The following LRGUK variants were observed in gnomAD, a reference collection of about 807,000 sequenced individuals.
The protein encoded by LRGUK is leucine rich repeats and guanylate kinase domain containing.
In LRGUK, 65 loss-of-function variants were observed where a neutral mutation model predicts 76.0. The observed-to-expected ratio is 0.85, with a 90% CI of 0.70 to 1.05. LRGUK has a LOEUF of 1.05. Among genes scored for constraint, LRGUK ranks in the 50% least tolerant of loss-of-function variants. LRGUK has a pLI of 0.00. For synonymous variants in LRGUK, 268 were observed against 265.6 expected (o/e 1.01, Z -0.09); for missense variants, 758 against 732.8 (o/e 1.03, Z -0.40).
chr7:134,228,106 A>C (rs200473909), intron 16 of LRGUK, among the ~76,000 whole-genome samples: 1 of 152,184 alleles, frequency 6.6e-6, no homozygotes, highest in East Asian at 1.9e-4. Flanking sequence ...CCTAAAGAGC[A>C]GTCATAGGGG....
At chr7:134,209,988 A>G in exon 16 of LRGUK, 1 of 399,684 alleles carries the variant, frequency 2.5e-6, no homozygotes, top group Non-Finnish European at 4.4e-6. Context: ...AAGGAAAGGA[A>G]AGCTCCCCAA....
At chr7:134,251,368 C>G (rs1158795743) in intron 18 of LRGUK, among the ~76,000 whole-genome samples, 4 of 152,162 alleles carry the variant, frequency 2.6e-5, no homozygotes, top group Non-Finnish European at 5.9e-5. Context: ...CAGCAAACCA[C>G]CGGAAGTGAT....
intron 10 of LRGUK, among the ~76,000 whole-genome samples, chr7:134,179,921 G>A (rs1049696544): frequency 2.0e-5 from 3 of 152,196 alleles, no homozygotes; most frequent in African/African-American, 4.8e-5. Context: ...GGATCCAGGA[G>A]AGGAACCCCA....
At chr7:134,133,759 A>C (rs1486906284) in intron 1 of LRGUK, among the ~76,000 whole-genome samples, 1 of 152,098 alleles carries the variant, frequency 6.6e-6, no homozygotes, top group Non-Finnish European at 1.5e-5. Context: ...AGATAGAGAG[A>C]AATTGAAATT....
intron 10 of LRGUK, among the ~76,000 whole-genome samples, chr7:134,181,194 G>A (rs575395068): frequency 1.3e-5 from 2 of 152,070 alleles, no homozygotes; most frequent in African/African-American, 2.4e-5. Flanking sequence ...CTTAGGAAGG[G>A]ATATGGCATC....
rs1439779656 is a variant in LRGUK at position 134,155,051 on chromosome 7, C to A, written c.671-2984C>A. Reference sequence around the variant, plus strand: ...CTGCCATGATTCAGAGTATCTTCATCTTGGTTGGGGTAGAGCTACCAGGAC... The same window carrying A: ...CTGCCATGATTCAGAGTATCTTCATATTGGTTGGGGTAGAGCTACCAGGAC... On this transcript the variant is annotated intron_variant, in intron 5 of 15. Coordinates refer to ENST00000645682, the Ensembl canonical transcript of LRGUK. 2.6e-5 allele frequency among the ~76,000 whole-genome samples: 4 copies of A among 152,162 alleles called. No individual in the cohort carries two copies. The East Asian group carries it at 7.7e-4, about 29-fold the overall frequency.
chr7:134,270,650 TTAAC>T, the LRGUK span, among the ~76,000 whole-genome samples: 1 of 152,138 alleles, frequency 6.6e-6, no homozygotes, highest in South Asian at 2.1e-4. Context: ...TATTCAGCAA[TTAAC>T]TTTTTTCTCA....
exon 3 of LRGUK, chr7:134,139,517 G>A (rs769617515): frequency 3.2e-5 from 51 of 1,585,592 alleles, no homozygotes; most frequent in Non-Finnish European, 4.2e-5. Context: ...TAAAATTGAA[G>A]GTATGTAATT....
the LRGUK span, among the ~76,000 whole-genome samples, chr7:134,275,800 T>A: frequency 2.6e-5 from 4 of 152,224 alleles, no homozygotes; most frequent in African/African-American, 9.6e-5. Flanking sequence ...TGTGTATTTA[T>A]GTATTTTTAT....
At chr7:134,245,861 G>C (rs570853563) in intron 16 of LRGUK, among the ~76,000 whole-genome samples, 40 of 152,188 alleles carry the variant, frequency 2.6e-4, no homozygotes, top group African/African-American at 9.4e-4. Flanking sequence ...TTATAGTAAA[G>C]TCAAGCTATT....
chr7:134,226,348 A>G (rs1225118896), intron 16 of LRGUK, among the ~76,000 whole-genome samples: 2 of 151,998 alleles, frequency 1.3e-5, no homozygotes, highest in Non-Finnish European at 2.9e-5. Context: ...ATCCACCTCA[A>G]AACTCACTGT....
At chr7:134,144,025 C>A (rs1797874064) in intron 4 of LRGUK, among the ~76,000 whole-genome samples, 1 of 152,186 alleles carries the variant, frequency 6.6e-6, no homozygotes, top group Non-Finnish European at 1.5e-5. Context: ...CTACTGATAC[C>A]CAAATCCCAC....
At chr7:134,233,253 CT>C in intron 16 of LRGUK, among the ~76,000 whole-genome samples, 1 of 152,326 alleles carries the variant, frequency 6.6e-6, no homozygotes, top group Admixed American at 6.5e-5. Context: ...TTAGTTAAGG[CT>C]TCTTGCTCTG....
chr7:134,183,806 G>A, exon 11 of LRGUK: 1 of 1,614,146 alleles, frequency 6.2e-7, no homozygotes, highest in Non-Finnish European at 8.5e-7. Context: ...GGAAACGAGA[G>A]CTTGCCCATC....
In LRGUK at chr7:134,199,979, CTT is replaced by C. The variant is rs1491529392; in HGVS notation, c.1747+561_1747+562del. ...AATTTCTATAGATATATTCTAGAAACTTTTATATATATATATATATATATATA... is the reference window on the plus strand; with the variant it reads ...AATTTCTATAGATATATTCTAGAAACTTATATATATATATATATATATATA... On this transcript the variant is annotated intron_variant, in intron 14 of 15. Transcript: ENST00000645682. 6.0e-3 allele frequency among the ~76,000 whole-genome samples: 327 copies of C among 54,842 alleles called. 4 individuals carry two copies. The highest frequency in any genetic ancestry group is 0.014 in the Middle Eastern group (1 of 74). The allele number at this position is 54,842 out of a possible 152,430, so 36.0% of individuals were successfully genotyped here. A position where few individuals can be genotyped will look rare whatever the true frequency, so the allele number is the denominator to read the frequency against.
intron 16 of LRGUK, among the ~76,000 whole-genome samples, chr7:134,228,411 G>A (rs1181722420): frequency 2.0e-5 from 3 of 152,014 alleles, no homozygotes; most frequent in Non-Finnish European, 4.4e-5. Context: ...AAAAAATGAA[G>A]AACAAGACAA....
At chr7:134,248,174 A>T (rs539681017) in intron 17 of LRGUK, among the ~76,000 whole-genome samples, 15 of 152,318 alleles carry the variant, frequency 9.8e-5, no homozygotes, top group Middle Eastern at 3.4e-3. Flanking sequence ...GGTTGGGAGG[A>T]TGGTGGCCAG....
intron 6 of LRGUK, among the ~76,000 whole-genome samples, 171 bp downstream of exon 6, chr7:134,158,330 T>C (rs1489731684): frequency 1.3e-5 from 2 of 152,000 alleles, no homozygotes; most frequent in African/African-American, 2.4e-5. Context: ...GTGTGTGTGG[T>C]TGTGAGAGAG....
chr7:134,223,681 G>C (rs1202126588), intron 16 of LRGUK, among the ~76,000 whole-genome samples: 2 of 152,268 alleles, frequency 1.3e-5, no homozygotes, highest in African/African-American at 4.8e-5. Context: ...AACCACCATG[G>C]TTGACATGGA....
Sources: allele counts gnomAD v4.1 joint callset (sites outside exome capture counted in the v4.1 genomes callset), GRCh38; gene constraint gnomAD v4.1.1; transcripts MANE v1.5; gene names NCBI Gene and HGNC (gene_info 2026-07-23, HGNC 2026-07-21).